PRKCH: variants seen among roughly 807,000 people sequenced by gnomAD.
The protein encoded by PRKCH is protein kinase C eta type.
PRKCH carries 28 observed loss-of-function variants against 82.5 expected under a neutral mutation model. That is an observed-to-expected ratio of 0.34 (90% CI 0.25 to 0.47). The LOEUF is 0.47. Among genes scored for constraint, PRKCH ranks in the 20% least tolerant of loss-of-function variants. PRKCH has a pLI of 1.00. For missense variants in PRKCH, 705 were observed against 881.8 expected, an observed-to-expected ratio of 0.80 and a Z score of 2.54; for synonymous variants, 322 against 327.4, an observed-to-expected ratio of 0.98 and a Z score of 0.18.
At chr14:61,523,321 C>T (rs1275485485) in intron 10 of PRKCH, among the ~76,000 whole-genome samples, 1 of 152,224 alleles carries the variant, frequency 6.6e-6, no homozygotes, top group Non-Finnish European at 1.5e-5. Flanking sequence ...AAACATCCCT[C>T]TATCATAGTG....
rs2045244361 is a variant in PRKCH at position 61,280,199 on chromosome 14, G to A, written c.-19+92531G>A. On this transcript the variant is annotated intron_variant, in intron 1 of 3. Coordinates refer to the PRKCH transcript ENST00000555185. This position sits in a 1 kb window ranked among gnomAD's most constrained non-coding sequence, Gnocchi z 5.0. ...CCGACGACCAGGTAGGCGATGCCCA[G>A]GAAGGGGTTCTTGCCACCCATCCAC... The A allele has an allele frequency of 6.2e-7, 1 of 1,613,872 alleles. No individual in the cohort carries two copies. Among genetic ancestry groups the A allele is most frequent in the Non-Finnish European group, 8.5e-7 (1 of 1,179,932 alleles).
intron 1 of PRKCH, among the ~76,000 whole-genome samples, chr14:61,357,913 T>TA (rs1594943082): frequency 6.6e-6 from 1 of 152,202 alleles, no homozygotes; most frequent in East Asian, 1.9e-4. Flanking sequence ...TGTGTGCCAG[T>TA]GATTCCCATG....
intron 1 of PRKCH, among the ~76,000 whole-genome samples, chr14:61,209,658 T>C (rs1038085432): frequency 1.2e-4 from 19 of 152,166 alleles, no homozygotes; most frequent in African/African-American, 4.6e-4. Context: ...CATAAGCCTT[T>C]GTGCAAACTT....
intron 1 of PRKCH, among the ~76,000 whole-genome samples, chr14:61,218,520 C>T (rs2044631515): frequency 6.6e-6 from 1 of 152,144 alleles, no homozygotes; most frequent in African/African-American, 2.4e-5. Flanking sequence ...TTTGTACATT[C>T]CACACTGGCC....
rs17098710 is a variant in PRKCH at position 61,527,187 on chromosome 14, A to G, written c.1434-1888A>G. ...GACCTTGAGGACTCTTTACCAAACA[A>G]TCCTGCTGCTGAATATTCACTTCCT... On this transcript the variant is annotated intron_variant, in intron 10 of 13. Coordinates refer to ENST00000332981, the MANE Select transcript of PRKCH (RefSeq NM_006255.5). Among the ~76,000 whole-genome samples, 1,395 of 152,180 alleles carry G rather than the reference A, an allele frequency of 9.2e-3. 22 individuals are homozygous for G. The highest frequency in any genetic ancestry group is 0.032 in the African/African-American group (1,339 of 41,504).
intron 9 of PRKCH, among the ~76,000 whole-genome samples, chr14:61,474,352 C>T (rs2147540): frequency 0.67 from 101,992 of 152,044 alleles, 34,758 homozygotes; most frequent in Middle Eastern, 0.76. Context: ...TGACTGTTCC[C>T]CTTCCTGTTA....
At chr14:61,409,064 AC>A (rs748634444) in intron 2 of PRKCH, among the ~76,000 whole-genome samples, 26 of 152,180 alleles carry the variant, frequency 1.7e-4, no homozygotes, top group South Asian at 2.1e-4. Flanking sequence ...GAATCTGCCC[AC>A]CAGAGCCAAT....
At chr14:61,267,314 T>G (rs7161737) in intron 1 of PRKCH, among the ~76,000 whole-genome samples, 134,267 of 152,222 alleles carry the variant, frequency 0.88, 59,288 homozygotes, top group Middle Eastern at 0.93. Context: ...GCTCGGAGCC[T>G]TGATGTATGC....
intron 1 of PRKCH, among the ~76,000 whole-genome samples, chr14:61,380,208 G>A (rs1200747730): frequency 2.6e-5 from 4 of 151,956 alleles, no homozygotes; most frequent in African/African-American, 9.7e-5. Flanking sequence ...ACAGGTGCAT[G>A]CCACCACACC....
At chr14:61,247,546 G>A (rs1193808873) in intron 1 of PRKCH, among the ~76,000 whole-genome samples, 1 of 151,674 alleles carries the variant, frequency 6.6e-6, no homozygotes, top group Non-Finnish European at 1.5e-5. Flanking sequence ...GACCAGCCTG[G>A]CCAACATGGT....
At chr14:61,294,127 A>G (rs913055314) in intron 1 of PRKCH, among the ~76,000 whole-genome samples, 4 of 146,804 alleles carry the variant, frequency 2.7e-5, no homozygotes, top group Non-Finnish European at 6.0e-5. Context: ...TTTTATTTTT[A>G]TTTTTTTTTT....
At chr14:61,262,314 A>C (rs540519323) in intron 1 of PRKCH, among the ~76,000 whole-genome samples, 1 of 152,280 alleles carries the variant, frequency 6.6e-6, no homozygotes, top group East Asian at 1.9e-4. Context: ...AGGAAGGATA[A>C]TCAAGTTGCA....
chr14:61,461,028 G>GA (rs1055189133), intron 9 of PRKCH, among the ~76,000 whole-genome samples: 15 of 150,650 alleles, frequency 1.0e-4, no homozygotes, highest in Non-Finnish European at 1.8e-4. Context: ...GTTATCAAGA[G>GA]AAAAAAAAAT....
chr14:61,313,959 T>C (rs1160240483), intron 1 of PRKCH, among the ~76,000 whole-genome samples: 3 of 152,254 alleles, frequency 2.0e-5, no homozygotes, highest in Non-Finnish European at 4.4e-5. Context: ...GCTGGGACCA[T>C]AGGCATGTGC....
chr14:61,345,919 A>G (rs900857319), intron 1 of PRKCH, among the ~76,000 whole-genome samples: 3 of 151,832 alleles, frequency 2.0e-5, no homozygotes, highest in Non-Finnish European at 2.9e-5. Context: ...GAGCACCTGC[A>G]TGGAACCACT....
chr14:61,261,448 A>T (rs1361098109), intron 1 of PRKCH, among the ~76,000 whole-genome samples: 4 of 152,194 alleles, frequency 2.6e-5, no homozygotes, highest in African/African-American at 9.7e-5. Flanking sequence ...CCCATTCCCA[A>T]AAAGATTATT....
chr14:61,453,417 A>G, intron 7 of PRKCH, 64 bp downstream of exon 7: 1 of 1,559,822 alleles, frequency 6.4e-7, no homozygotes, highest in Admixed American at 1.8e-5. Flanking sequence ...ATGAGCCCAA[A>G]TGAGAGCATG....
intron 1 of PRKCH, chr14:61,361,032 C>T (rs1014380674): frequency 6.6e-6 from 1 of 152,238 alleles, no homozygotes; most frequent in East Asian, 1.9e-4. Flanking sequence ...CAGTGGACCA[C>T]AGGTGACTCC....
intron 9 of PRKCH, among the ~76,000 whole-genome samples, chr14:61,461,151 C>T (rs1313128373): frequency 6.6e-6 from 1 of 152,222 alleles, no homozygotes; most frequent in Non-Finnish European, 1.5e-5. Flanking sequence ...CCATGCTGCT[C>T]CTGCCCCCAT....
Sources: gnomAD v4.1 joint callset for allele counts (sites outside exome capture counted in the v4.1 genomes callset) on GRCh38, gnomAD v4.1.1 for gene constraint, Gnocchi (gnomAD v3.1) non-coding constraint, MANE v1.5 for transcripts, NCBI Gene and HGNC (gene_info 2026-07-23, HGNC 2026-07-21) for gene names.